Variants in PPRC1 observed in about 807,000 individuals in gnomAD.
PPRC1 encodes PPARG related coactivator 1.
A neutral mutation model predicts 132.5 loss-of-function variants in PPRC1; 23 were observed. The observed-to-expected ratio is 0.17, with a 90% CI of 0.12 to 0.25. PPRC1 has a LOEUF of 0.25. Ranked by LOEUF, PPRC1 falls within the 10% of genes least tolerant of loss-of-function variation. PPRC1 has a pLI of 1.00. For synonymous variants in PPRC1, 872 were observed against 833.5 expected, an observed-to-expected ratio of 1.05 and a Z score of -0.80; for missense variants, 2,006 against 2,089.1, an observed-to-expected ratio of 0.96 and a Z score of 0.78.
rs752301486 is a variant in PPRC1 at position 102,141,330 on chromosome 10, C to T, written c.2822C>T (p.Pro941Leu). The change falls in exon 5 of 14, where the codon CCA becomes CTA. Residue 941 changes from proline (P) to leucine (L), a missense_variant. This residue lies in a region of PPRC1 where 1,914 missense variants were observed against 1,917.2 expected (regional missense o/e 1.00). Coordinates refer to ENST00000278070, the MANE Select transcript of PPRC1 (RefSeq NM_015062.5). ...GGCTATCCTTGCCTGCCCCCCCCAC[C>T]AACGGTGCCCCTAGTGTCTGGTACT... The part of the protein sequence containing the change: ...PSGYPCLPPP[P>L]TVPLVSGTPG... 4 of 1,614,062 alleles carry T rather than the reference C, an allele frequency of 2.5e-6. No individual in the cohort carries two copies. Among genetic ancestry groups the T allele is most frequent in the South Asian group, 1.1e-5 (1 of 91,088 alleles).
chr10:102,138,555 C>T, intron 2 of PPRC1, 64 bp from the exon 3 acceptor site: 1 of 1,573,380 alleles, frequency 6.4e-7, no homozygotes, highest in Non-Finnish European at 8.7e-7. Context: ...GATATCCAGT[C>T]CTTAGTGGCA....
intron 3 of PPRC1, 30 bp downstream of exon 3, chr10:102,138,795 G>A (rs2068820159): frequency 6.2e-7 from 1 of 1,614,048 alleles, no homozygotes; most frequent in Non-Finnish European, 8.5e-7. Flanking sequence ...AAGGGGATTA[G>A]TACAAAGTTT....
At chr10:102,126,918 G>A in the PPRC1 span, among the ~76,000 whole-genome samples, 1 of 151,292 alleles carries the variant, frequency 6.6e-6, no homozygotes, top group African/African-American at 2.4e-5. Flanking sequence ...GTTTCTCAAA[G>A]TATGTAAGAA....
intron 7 of PPRC1, chr10:102,144,665 A>G: frequency 2.2e-6 from 1 of 461,446 alleles, no homozygotes; most frequent in Non-Finnish European, 3.9e-6. Context: ...GAAGATGTTA[A>G]TGGCTAGGAG....
chr10:102,139,003 C>T, intron 4 of PPRC1, 23 bp downstream of exon 4: 1 of 1,606,930 alleles, frequency 6.2e-7, no homozygotes, highest in Non-Finnish European at 8.5e-7. Flanking sequence ...TAGAGGGTTT[C>T]AGAAACTCCC....
At chr10:102,145,143 G>T in intron 8 of PPRC1, 53 bp downstream of exon 8, 1 of 1,505,892 alleles carries the variant, frequency 6.6e-7, no homozygotes, top group Non-Finnish European at 9.2e-7. Context: ...AGCAACACTT[G>T]CTGAGCCTAC....
In PPRC1 at chr10:102,137,847, C is replaced by T. The variant is rs1024045378; in HGVS notation, c.154-3C>T. 5.6e-6 allele frequency: 9 copies of T among 1,613,106 alleles called. No individual in the cohort carries two copies. The African/African-American group carries it at 8.0e-5, about 14-fold the overall frequency. ...ACCCTTCTCACCTTCTTCTCTGCTC[C>T]AGGTGCTGCTGCATGAGGAGGCGGG... On this transcript the variant is annotated splice_region_variant and splice_polypyrimidine_tract_variant and intron_variant, in intron 1 of 13. Coordinates refer to ENST00000278070, the MANE Select transcript of PPRC1 (RefSeq NM_015062.5).
At chr10:102,145,118 G>A (rs2069164846) in intron 8 of PPRC1, 28 bp downstream of exon 8, 2 of 1,584,330 alleles carry the variant, frequency 1.3e-6, no homozygotes, top group African/African-American at 1.3e-5. Context: ...AATTCTGCCT[G>A]TGATTAGTCT....
chr10:102,132,970 G>A (rs1446155941), upstream of PPRC1: 3 of 1,228,974 alleles, frequency 2.4e-6, no homozygotes, highest in African/African-American at 3.1e-5. Context: ...GGGATTCGTA[G>A]TCTTGCAGTG....
chr10:102,129,550 C>T (rs2068511130), upstream of PPRC1, among the ~76,000 whole-genome samples: 1 of 152,104 alleles, frequency 6.6e-6, no homozygotes, highest in Admixed American at 6.6e-5. Flanking sequence ...TATTAGTCTT[C>T]CTCTCAAAGC....
In PPRC1 at chr10:102,140,532, C is replaced by A. The variant is rs779931266; in HGVS notation, c.2024C>A (p.Pro675His). The A allele has an allele frequency of 4.3e-6, 7 of 1,614,032 alleles. No homozygotes were observed. The highest frequency in any genetic ancestry group is 5.9e-6 in the Non-Finnish European group (7 of 1,180,036). ...PVDLALVDPV[P>H]NDLTPVDPVL... ...GATCTAGCACTGGTTGACCCTGTTC[C>A]TAATGACCTGACTCCAGTTGACCCA... Residue 675 changes from proline to histidine, a missense_variant, in exon 5 of 14, where the codon CCT (proline) becomes CAT (histidine). Pro to His is a moderately conservative substitution (Grantham distance 77). This residue lies in a region of PPRC1 where 1,914 missense variants were observed against 1,917.2 expected (regional missense o/e 1.00). Coordinates refer to ENST00000278070, the MANE Select transcript of PPRC1 (RefSeq NM_015062.5).
In PPRC1 at chr10:102,148,826, A is replaced by C. The variant is rs2069385036; in HGVS notation, c.4627A>C (p.Arg1543=). 4 of 1,614,068 alleles carry C rather than the reference A, an allele frequency of 2.5e-6. No homozygotes were observed. Among genetic ancestry groups the C allele is most frequent in the Non-Finnish European group, 3.4e-6 (4 of 1,180,030 alleles). Residue 1543 remains arginine (R), a synonymous_variant, in exon 12 of 14, where the codon AGG becomes CGG. Transcript: ENST00000278070. This position sits in a 1 kb window ranked among gnomAD's most constrained non-coding sequence, Gnocchi z 4.2. ...LQKERAIEER[R]VVFIGKIPGR... is the part of the protein sequence containing the mutation. ...TCATTTCCAAACATAGGAAGAAAGA[A>C]GGGTGGTCTTCATTGGAAAGATACC...
rs776372695 is a variant in PPRC1, at chr10:102,146,930, T to A, written c.3938T>A (p.Val1313Asp). 3 of 1,614,032 alleles carry A rather than the reference T, an allele frequency of 1.9e-6. No individual in the cohort carries two copies. The highest frequency in any genetic ancestry group is 2.2e-5 in the East Asian group (1 of 44,866). ...RTPPKKMPAL[V>D]IPEVGSRWNV... ...CCCCCAAAAAAGATGCCTGCCCTAGTCATTCCAGAGGTGGGCTCCCGATGG... is the reference window on the plus strand; with the variant it reads ...CCCCCAAAAAAGATGCCTGCCCTAGACATTCCAGAGGTGGGCTCCCGATGG... The change falls in exon 9 of 14, where the codon GTC becomes GAC. Residue 1313 changes from valine (V) to aspartate (D), a missense_variant. Around this residue, in one of 2 missense-constraint regions of PPRC1, gnomAD observed 1,914 missense variants for 1,917.2 expected, o/e 1.00. Transcript: ENST00000278070.
At position 102,146,977 on chromosome 10, in the gene PPRC1, A is replaced by G. The variant is rs200677592; in HGVS notation, c.3985A>G (p.Ile1329Val). 375 of 1,613,906 alleles carry G rather than the reference A, an allele frequency of 2.3e-4. No homozygotes were observed. The highest frequency in any genetic ancestry group is 3.1e-4 in the Non-Finnish European group (363 of 1,179,978). ...SRWNVKRHQDITIKPVLSLGP... is the reference protein window; with the variant it reads ...SRWNVKRHQDVTIKPVLSLGP... Reference sequence around the variant, plus strand: ...ATGGAATGTCAAGCGCCATCAGGACATCACCATCAAACCTGTCTTGTCCTT... The same window carrying G: ...ATGGAATGTCAAGCGCCATCAGGACGTCACCATCAAACCTGTCTTGTCCTT... The change falls in exon 9 of 14, where the codon ATC (isoleucine) becomes GTC (valine). Residue 1329 changes from isoleucine (I) to valine (V), a missense_variant. Physicochemically the swap from Ile to Val is conservative, Grantham distance 29 (BLOSUM62 3). Transcript: ENST00000278070.
chr10:102,149,168 C>T lies in PPRC1; in HGVS notation c.4740-10C>T. 3 of 1,570,984 alleles carry T rather than the reference C, an allele frequency of 1.9e-6. No individual in the cohort carries two copies. Among genetic ancestry groups the T allele is most frequent in the Non-Finnish European group, 2.6e-6 (3 of 1,156,652 alleles). On this transcript the variant is annotated splice_polypyrimidine_tract_variant and intron_variant, in intron 12 of 13. Coordinates refer to ENST00000278070, the MANE Select transcript of PPRC1 (RefSeq NM_015062.5). The stretch of plus-strand genomic sequence containing the variant: ...CCACTCCAGCCCCTGCCTCACTCTC[C>T]TCCTACTAGGGACAACTACGGCTTC...
At chr10:102,130,416 C>CAA (rs1203599289), upstream of PPRC1, among the ~76,000 whole-genome samples, 7 of 15,946 alleles carry the variant, frequency 4.4e-4, no homozygotes, top group Admixed American at 2.6e-3. Context: ...GAATCCTTCT[C>CAA]AAAAAAAAAA....
rs763766043 is a variant in PPRC1, at chr10:102,138,662, C to T, written c.386C>T (p.Thr129Met). ...GACCAGAATGAAGTGTCGCTGCTCA[C>T]GGCTCTGACGGAGATCTTGGACAAT... ...LEDQNEVSLL[T>M]ALTEILDNAD... The change falls in exon 3 of 14, where the codon ACG (threonine) becomes ATG (methionine). Residue 129 changes from threonine (T) to methionine (M), a missense_variant. Coordinates refer to ENST00000278070, the MANE Select transcript of PPRC1 (RefSeq NM_015062.5). 9 of 1,614,094 alleles carry T rather than the reference C, an allele frequency of 5.6e-6. No homozygotes were observed. Among genetic ancestry groups the T allele is most frequent in the African/African-American group, 1.3e-5 (1 of 74,928 alleles).
At position 102,148,550 on chromosome 10, in the gene PPRC1, A is replaced by T; in HGVS notation, c.4550+29A>T. ...AGCATGTGTTCAGGGAGCGCCATGC[A>T]CCTGGGATGCAGGTGCCTAAGAGTT... is the stretch of plus-strand genomic sequence containing the variant. On this transcript the variant is annotated intron_variant, in intron 10 of 13. Transcript: ENST00000278070. The surrounding 1 kb of genome is among the most constrained non-coding windows in gnomAD (Gnocchi z 4.2). 1.9e-6 allele frequency: 3 copies of T among 1,612,568 alleles called. No individual in the cohort carries two copies. In the South Asian group the frequency reaches 3.3e-5, roughly 18 times the overall value.
chr10:102,132,983 A>G (rs924857987), upstream of PPRC1: 5 of 1,232,178 alleles, frequency 4.1e-6, no homozygotes, highest in South Asian at 1.7e-4. Context: ...TTGCAGTGTC[A>G]TTCGGGAGTT....
Sources: gnomAD v4.1 joint callset for allele counts (sites outside exome capture counted in the v4.1 genomes callset) on GRCh38, gnomAD v4.1.1 for gene constraint, gnomAD v4.1.1 regional missense constraint, Gnocchi (gnomAD v3.1) non-coding constraint, MANE v1.5 for transcripts, NCBI Gene and HGNC (gene_info 2026-07-23, HGNC 2026-07-21) for gene names.